Variants in EDIL3 observed in about 807,000 individuals in gnomAD.
EDIL3 encodes EGF-like repeat and discoidin I-like domain-containing protein 3.
A neutral mutation model predicts 67.4 loss-of-function variants in EDIL3; 37 were observed. The observed-to-expected ratio is 0.55, with a 90% confidence interval of 0.42 to 0.72. The LOEUF (loss-of-function observed/expected upper bound fraction) is 0.72. Among genes scored for constraint, EDIL3 ranks in the 30% least tolerant of loss-of-function variants. EDIL3 has a pLI of 0.00. For missense variants in EDIL3, 527 were observed against 586.3 expected, an observed-to-expected ratio of 0.90 and a Z score of 1.04; for synonymous variants, 195 against 196.3, an observed-to-expected ratio of 0.99 and a Z score of 0.05.
In EDIL3 at chr5:83,943,338, T is replaced by G; in HGVS notation, c.*81A>C. 6.4e-7 allele frequency: 1 copy of G among 1,570,098 alleles called. No individual in the cohort carries two copies. The highest frequency in any genetic ancestry group is 8.6e-7 in the Non-Finnish European group (1 of 1,158,522). ...GAAAAAAAAAAAAAAACCATTCAGT[T>G]TCCTACAGATTTTGCACAGTTCATT... On this transcript the variant is annotated 3_prime_UTR_variant, in exon 11 of 11. Transcript: ENST00000296591.
At chr5:84,375,675 A>C (rs973308424) in intron 1 of EDIL3, among the ~76,000 whole-genome samples, 3 of 152,242 alleles carry the variant, frequency 2.0e-5, no homozygotes, top group African/African-American at 7.2e-5. Context: ...GTAGAGGAGC[A>C]ATGAAATCCT....
At chr5:84,197,106 T>G (rs1743726903) in intron 3 of EDIL3, 1 of 152,026 alleles carries the variant, frequency 6.6e-6, no homozygotes, top group Non-Finnish European at 1.5e-5. Context: ...CAACATTAAG[T>G]ACATGCCATG....
chr5:84,015,436 G>A lies in EDIL3; in HGVS notation c.1137+44864C>T, dbSNP rs562124295. 1.1e-4 allele frequency among the ~76,000 whole-genome samples: 16 copies of A among 152,232 alleles called. No homozygotes were observed. The South Asian group carries it at 2.5e-3, about 24-fold the overall frequency. On this transcript the variant is annotated intron_variant, in intron 9 of 10. Coordinates refer to ENST00000296591, the MANE Select transcript of EDIL3 (RefSeq NM_005711.5). ...AATTTATTTGTAAGTTTATTTGCTA[G>A]ACATTGCTTTATCATTTTTCAAAGA...
chr5:84,000,728 C>T (rs1029809302), intron 9 of EDIL3, among the ~76,000 whole-genome samples: 9 of 151,926 alleles, frequency 5.9e-5, no homozygotes, highest in African/African-American at 1.9e-4. Flanking sequence ...ATCCACAAAA[C>T]AAGTCTTAAA....
At chr5:84,032,609 C>T (rs1274236289) in intron 9 of EDIL3, among the ~76,000 whole-genome samples, 2 of 151,670 alleles carry the variant, frequency 1.3e-5, no homozygotes, top group East Asian at 3.9e-4. Flanking sequence ...TTTGTTAATG[C>T]CAATAATAGT....
intron 9 of EDIL3, among the ~76,000 whole-genome samples, chr5:83,985,850 C>T (rs1580265877): frequency 6.6e-6 from 1 of 151,706 alleles, no homozygotes; most frequent in East Asian, 1.9e-4. Flanking sequence ...TTTAAATCTG[C>T]TTTTCATAGT....
intron 6 of EDIL3, among the ~76,000 whole-genome samples, chr5:84,079,634 G>T (rs541221538): frequency 5.8e-4 from 88 of 152,046 alleles, no homozygotes; most frequent in Admixed American, 1.0e-3. Flanking sequence ...TTGGGAGCTG[G>T]CAATACAAAT....
Position 84,060,452 on chromosome 5 carries a change from G to A in EDIL3, c.985C>T (p.His329Tyr), listed in dbSNP as rs779993164. ...GCAGTGATCTGATAGTCTTGTATATGTCCTGATTTCATACCCAGAGGCTCA... is the reference window on the plus strand; with the variant it reads ...GCAGTGATCTGATAGTCTTGTATATATCCTGATTTCATACCCAGAGGCTCA... ...CSEPLGMKSGHIQDYQITASS... is the reference protein window; with the variant it reads ...CSEPLGMKSGYIQDYQITASS... Residue 329 changes from histidine (H) to tyrosine (Y), a missense_variant, in exon 9 of 11, where the codon CAT becomes TAT. Transcript: ENST00000296591. The A allele has an allele frequency of 1.2e-6, 2 of 1,613,508 alleles. No individual in the cohort carries two copies. Among genetic ancestry groups the A allele is most frequent in the Non-Finnish European group, 1.7e-6 (2 of 1,179,782 alleles).
At chr5:84,113,060 T>C (rs1477654105) in intron 5 of EDIL3, among the ~76,000 whole-genome samples, 1 of 152,148 alleles carries the variant, frequency 6.6e-6, no homozygotes, top group African/African-American at 2.4e-5. Context: ...TAACTGATAG[T>C]GGTCTGTCTG....
intron 1 of EDIL3, among the ~76,000 whole-genome samples, chr5:84,303,042 C>T (rs1416451573): frequency 6.6e-6 from 1 of 152,202 alleles, no homozygotes; most frequent in Non-Finnish European, 1.5e-5. Context: ...CTTGTTGTAT[C>T]TAGAACATAT....
intron 9 of EDIL3, among the ~76,000 whole-genome samples, chr5:84,033,571 G>A (rs1745965753): frequency 6.6e-6 from 1 of 151,992 alleles, no homozygotes; most frequent in Non-Finnish European, 1.5e-5. Flanking sequence ...GGGTGTGGTG[G>A]CACACGCCTG....
chr5:83,969,193 C>A (rs914643199), intron 9 of EDIL3, among the ~76,000 whole-genome samples: 1 of 151,252 alleles, frequency 6.6e-6, no homozygotes, highest in African/African-American at 2.4e-5. Flanking sequence ...CTTATTTATA[C>A]CTAGTATGTC....
intron 10 of EDIL3, among the ~76,000 whole-genome samples, chr5:83,957,068 G>A (rs1744528735): frequency 1.3e-5 from 2 of 151,684 alleles, no homozygotes; most frequent in Admixed American, 1.3e-4. Context: ...CTAGTGTTTT[G>A]TATAAAGTCA....
chr5:84,136,662 C>T (rs935602562), intron 5 of EDIL3, among the ~76,000 whole-genome samples: 2 of 152,086 alleles, frequency 1.3e-5, no homozygotes, highest in African/African-American at 2.4e-5. Flanking sequence ...TTTATTTTTA[C>T]GTTTTATTTA....
rs149087687 is a variant in EDIL3, at chr5:84,098,689, T to C, written c.651+7960A>G. Reference sequence around the variant, plus strand: ...TTTGGGTAAATAAGTAAGGCAGAAATCAAGAAGTTATTTGAAACTAATGAG... The same window carrying C: ...TTTGGGTAAATAAGTAAGGCAGAAACCAAGAAGTTATTTGAAACTAATGAG... On this transcript the variant is annotated intron_variant, in intron 6 of 10. Transcript: ENST00000296591. Among the ~76,000 whole-genome samples, 16 of 152,218 alleles carry C rather than the reference T, an allele frequency of 1.1e-4. No individual in the cohort carries two copies. The East Asian group carries it at 2.9e-3, about 28-fold the overall frequency.
intron 9 of EDIL3, among the ~76,000 whole-genome samples, chr5:84,038,443 A>G (rs143018237): frequency 1.3e-5 from 2 of 152,330 alleles, no homozygotes; most frequent in African/African-American, 4.8e-5. Flanking sequence ...GACAATTCCG[A>G]CAAGATGTAC....
At chr5:83,978,336 T>C (rs1430721887) in intron 9 of EDIL3, among the ~76,000 whole-genome samples, 2 of 151,910 alleles carry the variant, frequency 1.3e-5, no homozygotes, top group African/African-American at 2.4e-5. Flanking sequence ...TTTTAACACC[T>C]TTGAATAACT....
chr5:84,205,770 A>AT (rs1743962466), intron 3 of EDIL3, among the ~76,000 whole-genome samples: 2 of 152,016 alleles, frequency 1.3e-5, no homozygotes, highest in African/African-American at 2.4e-5. Flanking sequence ...CACCTTTATC[A>AT]TTTTTTATTG....
chr5:84,185,867 A>G (rs2112362500), intron 3 of EDIL3, among the ~76,000 whole-genome samples: 1 of 152,282 alleles, frequency 6.6e-6, no homozygotes, highest in Non-Finnish European at 1.5e-5. Context: ...AGAAAAATGT[A>G]ACTTGTATAA....
Sources: allele counts gnomAD v4.1 joint callset (sites outside exome capture counted in the v4.1 genomes callset), GRCh38; gene constraint gnomAD v4.1.1; transcripts MANE v1.5; gene names NCBI Gene and HGNC (gene_info 2026-07-23, HGNC 2026-07-21).